Variants in TICRR observed in about 807,000 individuals in gnomAD.
The protein encoded by TICRR is TOPBP1 interacting checkpoint and replication regulator, also known as treslin.
TICRR carries 132 observed loss-of-function variants against 178.1 expected under a neutral mutation model. The observed-to-expected ratio is 0.74, with a 90% CI of 0.64 to 0.86. TICRR has a LOEUF of 0.86. Among genes scored for constraint, TICRR ranks in the 40% least tolerant of loss-of-function variants. TICRR has a pLI of 0.00. For synonymous variants in TICRR, 991 were observed against 900.7 expected (o/e 1.10, Z -1.79); for missense variants, 2,587 against 2,334.3 (o/e 1.11, Z -2.23).
chr15:89,612,657 A>G lies in TICRR; in HGVS notation c.2869+3708A>G, dbSNP rs557230193. ...CAATCAAGTTGCCAGGTTCCAAAAT[A>G]GTGAATTCTGATCTTTTTTTCTAGT... On this transcript the variant is annotated intron_variant, in intron 15 of 21. Coordinates refer to ENST00000268138, the MANE Select transcript of TICRR (RefSeq NM_152259.4). Among the ~76,000 whole-genome samples, 8 of 152,348 alleles carry G rather than the reference A, an allele frequency of 5.3e-5. No homozygotes were observed. In the South Asian group the frequency reaches 1.4e-3, roughly 28 times the overall value.
chr15:89,579,019 C>G lies in TICRR; in HGVS notation c.654+2779C>G, dbSNP rs538487054. On this transcript the variant is annotated intron_variant, in intron 1 of 21. Transcript: ENST00000268138. ...GAAGTAGAACTGGGAGAAACAGAACCTGCACTTACATTGGAGGCAGAGGGA... is the reference window on the plus strand; with the variant it reads ...GAAGTAGAACTGGGAGAAACAGAACGTGCACTTACATTGGAGGCAGAGGGA... Among the ~76,000 whole-genome samples, 101 of 152,258 alleles carry G rather than the reference C, an allele frequency of 6.6e-4. 1 individual carries two copies. The highest frequency in any genetic ancestry group is 1.2e-3 in the Non-Finnish European group (81 of 68,006).
At chr15:89,619,103 T>A (rs16943387) in intron 17 of TICRR, among the ~76,000 whole-genome samples, 1,525 of 152,278 alleles carry the variant, frequency 0.01, 28 homozygotes, top group African/African-American at 0.035. Context: ...ATTCCACAAC[T>A]CAGAAATACT....
At position 89,578,544 on chromosome 15, in the gene TICRR, G is replaced by T. The variant is rs990330947; in HGVS notation, c.654+2304G>T. Among the ~76,000 whole-genome samples the T allele has an allele frequency of 3.9e-5, 6 of 152,264 alleles. No homozygotes were observed. The South Asian group carries it at 6.2e-4, about 16-fold the overall frequency. On this transcript the variant is annotated intron_variant, in intron 1 of 21. Transcript: ENST00000268138. Reference sequence around the variant, plus strand: ...TGGAAACAATTGATATCACATCAAAGACTTTCTTCTGGAATTTTATTATGT... The same window carrying T: ...TGGAAACAATTGATATCACATCAAATACTTTCTTCTGGAATTTTATTATGT...
At chr15:89,582,323 C>CAA (rs35892715) in intron 1 of TICRR, 3,324 of 112,874 alleles carry the variant, frequency 0.029, 142 homozygotes, top group African/African-American at 0.098. Context: ...GACTCTGACT[C>CAA]AAAAAAAAAA....
At chr15:89,619,907 A>T in intron 18 of TICRR, 65 bp downstream of exon 18, 1 of 1,533,452 alleles carries the variant, frequency 6.5e-7, no homozygotes, top group African/African-American at 1.4e-5. Context: ...TTTTTGGGAA[A>T]AGAAGCAAGA....
chr15:89,596,636 C>T (rs559218386), intron 7 of TICRR, among the ~76,000 whole-genome samples: 26 of 152,210 alleles, frequency 1.7e-4, no homozygotes, highest in African/African-American at 3.9e-4. Context: ...TGTGAGCCAC[C>T]GCGCCTGGCC....
chr15:89,624,077 C>A lies in TICRR; in HGVS notation c.3767C>A (p.Ala1256Asp). 6.2e-7 allele frequency: 1 copy of A among 1,614,018 alleles called. No homozygotes were observed. The highest frequency in any genetic ancestry group is 8.5e-7 in the Non-Finnish European group (1 of 1,180,004). Residue 1256 changes from alanine to aspartate, a missense_variant, in exon 20 of 22, where the codon GCC becomes GAC. By Grantham distance (126) the Ala-to-Asp change is moderately radical. Coordinates refer to ENST00000268138, the MANE Select transcript of TICRR (RefSeq NM_152259.4). ...CTCAGAACACCTCCGAGAGCAGCAGCCTTCATGGGCACGCCTCAGAATCAA... is the reference window on the plus strand; with the variant it reads ...CTCAGAACACCTCCGAGAGCAGCAGACTTCATGGGCACGCCTCAGAATCAA... ...DPLRTPPRAA[A>D]FMGTPQNQTH...
In TICRR at chr15:89,599,578, T is replaced by C. The variant is rs1464376429; in HGVS notation, c.2052+103T>C. On this transcript the variant is annotated intron_variant, in intron 8 of 21. Coordinates refer to ENST00000268138, the MANE Select transcript of TICRR (RefSeq NM_152259.4). Reference sequence around the variant, plus strand: ...CTTGGAAAATGTCTGTTATGTCATATGTGATTCAAAAATGGTAAGATAAGT... The same window carrying C: ...CTTGGAAAATGTCTGTTATGTCATACGTGATTCAAAAATGGTAAGATAAGT... The C allele has an allele frequency of 4.2e-6, 5 of 1,182,000 alleles. No homozygotes were observed. The African/African-American group carries it at 6.1e-5, about 15-fold the overall frequency. 73.2% of individuals were successfully genotyped at this position (1,182,000 alleles called of 1,614,324 possible).
In TICRR at chr15:89,627,098, A is replaced by T. The variant is rs781047388; in HGVS notation, c.*12A>T. ...TGGAGGACTTATAGCCACAAACATT[A>T]CTGAGCCCAAAAGATCAAGGAGTCA... On this transcript the variant is annotated 3_prime_UTR_variant, in exon 22 of 22. Coordinates refer to ENST00000268138, the MANE Select transcript of TICRR (RefSeq NM_152259.4). The T allele has an allele frequency of 6.2e-7, 1 of 1,613,656 alleles. No homozygotes were observed. Among genetic ancestry groups the T allele is most frequent in the East Asian group, 2.2e-5 (1 of 44,898 alleles).
In TICRR at chr15:89,627,122, C is replaced by T. The variant is rs1351757406; in HGVS notation, c.*36C>T. ...TACTGAGCCCAAAAGATCAAGGAGTCAGCCAGGACCCTGTGGACATAAAGA... is the reference window on the plus strand; with the variant it reads ...TACTGAGCCCAAAAGATCAAGGAGTTAGCCAGGACCCTGTGGACATAAAGA... On this transcript the variant is annotated 3_prime_UTR_variant, in exon 22 of 22. Coordinates refer to ENST00000268138, the MANE Select transcript of TICRR (RefSeq NM_152259.4). 5 of 1,611,994 alleles carry T rather than the reference C, an allele frequency of 3.1e-6. No homozygotes were observed. The Admixed American group carries it at 6.7e-5, about 22-fold the overall frequency.
intron 9 of TICRR, 82 bp from the exon 10 acceptor site, chr15:89,601,216 T>TA (rs1161204457): frequency 8.1e-7 from 1 of 1,229,804 alleles, no homozygotes; most frequent in Non-Finnish European, 1.2e-6. Flanking sequence ...GTGTCTTATA[T>TA]AAATAGATCT....
chr15:89,603,415 A>G (rs915441933), intron 13 of TICRR, among the ~76,000 whole-genome samples: 1 of 152,170 alleles, frequency 6.6e-6, no homozygotes, highest in East Asian at 1.9e-4. Flanking sequence ...TGTCTCTACA[A>G]AAAATAAAAT....
chr15:89,607,277 GTAA>G (rs1244027245), intron 14 of TICRR, among the ~76,000 whole-genome samples: 2 of 152,142 alleles, frequency 1.3e-5, no homozygotes, highest in African/African-American at 4.8e-5. Context: ...TATTTTGAGT[GTAA>G]TAATGGCGTT....
At chr15:89,604,668 G>A (rs1333717323) in intron 13 of TICRR, among the ~76,000 whole-genome samples, 1 of 151,670 alleles carries the variant, frequency 6.6e-6, no homozygotes, top group Admixed American at 6.6e-5. Context: ...CTACTCGGGA[G>A]GCTGAGGTAG....
intron 15 of TICRR, among the ~76,000 whole-genome samples, chr15:89,613,648 G>A (rs1387261585): frequency 2.7e-5 from 4 of 147,756 alleles, no homozygotes; most frequent in Admixed American, 6.8e-5. Flanking sequence ...AATTAACCTT[G>A]TCTTCAAATT....
intron 4 of TICRR, among the ~76,000 whole-genome samples, chr15:89,590,684 A>T (rs775529473): frequency 9.9e-5 from 15 of 152,198 alleles, no homozygotes; most frequent in Non-Finnish European, 2.2e-4. Flanking sequence ...AGACGGAGTT[A>T]GCATGTGCTA....
In TICRR at chr15:89,626,946, C is replaced by CTTCTTCTAGATGAGGATGT; in HGVS notation, c.5603-9_5612dup. 5 of 1,612,852 alleles carry CTTCTTCTAGATGAGGATGT rather than the reference C, an allele frequency of 3.1e-6. No individual in the cohort carries two copies. Among genetic ancestry groups the CTTCTTCTAGATGAGGATGT allele is most frequent in the Non-Finnish European group, 4.2e-6 (5 of 1,179,118 alleles). On this transcript the variant is annotated splice_polypyrimidine_tract_variant and intron_variant, in intron 21 of 21. Coordinates refer to ENST00000268138, the MANE Select transcript of TICRR (RefSeq NM_152259.4). ...ACTCCTGCATGCTAAGCCTTTCTAC[C>CTTCTTCTAGATGAGGATGT]TTCTTCTAGATGAGGATGTGGATGT...
In TICRR at chr15:89,620,797, A is replaced by G. The variant is rs548602711; in HGVS notation, c.3155-596A>G. On this transcript the variant is annotated intron_variant, in intron 18 of 21. Coordinates refer to ENST00000268138, the MANE Select transcript of TICRR (RefSeq NM_152259.4). ...GAGTGCAGTGGCGCAATCTTGGCTC[A>G]CTGCAAGCTCTGCCTCCCGGGTTCA... is the stretch of plus-strand genomic sequence containing the variant. Among the ~76,000 whole-genome samples the G allele has an allele frequency of 1.4e-4, 21 of 152,054 alleles. No homozygotes were observed. In the South Asian group the frequency reaches 2.9e-3, roughly 21 times the overall value.
Position 89,592,163 on chromosome 15 carries a change from A to G in TICRR, c.1528A>G (p.Met510Val), listed in dbSNP as rs763098722. The change falls in exon 5 of 22, where the codon ATG (methionine) becomes GTG (valine). Residue 510 changes from methionine (M) to valine (V), a missense_variant. Coordinates refer to ENST00000268138, the MANE Select transcript of TICRR (RefSeq NM_152259.4). The part of the protein sequence containing the change: ...CNISGASSDL[M>V]ESFGLLQAAS... Reference sequence around the variant, plus strand: ...CATCAGTGGTGCCAGTTCCGATTTGATGGAGTCATTTGGGTAAAACGTTTT... The same window carrying G: ...CATCAGTGGTGCCAGTTCCGATTTGGTGGAGTCATTTGGGTAAAACGTTTT... 11 of 1,611,306 alleles carry G rather than the reference A, an allele frequency of 6.8e-6. No homozygotes were observed. The highest frequency in any genetic ancestry group is 9.3e-6 in the Non-Finnish European group (11 of 1,177,806).
Sources: allele counts gnomAD v4.1 joint callset (sites outside exome capture counted in the v4.1 genomes callset), GRCh38; gene constraint gnomAD v4.1.1; transcripts MANE v1.5; gene names NCBI Gene and HGNC (gene_info 2026-07-23, HGNC 2026-07-21).